DDO: variants seen among roughly 807,000 people sequenced by gnomAD.
DDO encodes D-aspartate oxidase, also known as D-aspartate oxidase, DDO.
In DDO, 16 loss-of-function variants were observed where a neutral mutation model predicts 16.8. The ratio of observed to expected loss-of-function variants is 0.95; its 90% CI spans 0.65 to 1.45. The LOEUF (loss-of-function observed/expected upper bound fraction) is 1.45. DDO is among the 40% of genes most tolerant of loss of function. The pLI, the probability that DDO is intolerant of heterozygous loss-of-function variation, is 0.00. For missense variants in DDO, 429 were observed against 420.3 expected (o/e 1.02, Z -0.18); for synonymous variants, 180 against 167.2 (o/e 1.08, Z -0.59).
chr6:110,398,421 C>CACACAAAA lies in DDO; in HGVS notation c.459-5080_459-5079insTTTTGTGT, dbSNP rs1554220452. ...ACACACACACACACACACACACACA[C>CACACAAAA]ACACACTTGGCCTCCCAGGAGCAGA... On this transcript the variant is annotated intron_variant, in intron 4 of 4. Transcript: ENST00000368924. 1.9e-3 allele frequency among the ~76,000 whole-genome samples: 266 copies of CACACAAAA among 138,630 alleles called. 1 individual carries two copies. Among genetic ancestry groups the CACACAAAA allele is most frequent in the African/African-American group, 7.1e-3 (222 of 31,442 alleles). The allele number at this position is 138,630 out of a possible 152,430, so 90.9% of individuals were successfully genotyped here. A position where few individuals can be genotyped will look rare whatever the true frequency, so the allele number is the denominator to read the frequency against.
chr6:110,399,174 T>A (rs1304207990), intron 4 of DDO, among the ~76,000 whole-genome samples: 1 of 152,260 alleles, frequency 6.6e-6, no homozygotes, highest in Admixed American at 6.5e-5. Context: ...TGTATATTAT[T>A]GGGCATTATT....
chr6:110,393,176 G>C lies in DDO; in HGVS notation c.625C>G (p.Pro209Ala). The change falls in exon 5 of 5, where the codon CCC (proline) becomes GCC (alanine). Residue 209 changes from proline (P) to alanine (A), a missense_variant. Physicochemically the swap from Pro to Ala is conservative, Grantham distance 27. Transcript: ENST00000368924. Reference protein sequence around the residue: ...VRGQVLQVQAPWVEHFIRDGS... With the variant: ...VRGQVLQVQAAWVEHFIRDGS... ...TCTCGGATAAAATGCTCCACCCAGG[G>C]AGCCTGAACTTGGAGGACTTGGCCC... 4 of 1,614,204 alleles carry C rather than the reference G, an allele frequency of 2.5e-6. No homozygotes were observed. Among genetic ancestry groups the C allele is most frequent in the Non-Finnish European group, 3.4e-6 (4 of 1,180,040 alleles).
intron 4 of DDO, among the ~76,000 whole-genome samples, chr6:110,400,102 C>T (rs1056271356): frequency 6.6e-6 from 1 of 152,178 alleles, no homozygotes; most frequent in Non-Finnish European, 1.5e-5. Context: ...ACCGCAGGCC[C>T]GCAGCCCAGG....
In DDO at chr6:110,392,608, C is replaced by G; in HGVS notation, c.*167G>C. ...CCTCCTGCCTCAGCCTCTCAAGTAG[C>G]TGGGACTATAGGCATGCCACCGTGC... On this transcript the variant is annotated 3_prime_UTR_variant, in exon 5 of 5. Coordinates refer to ENST00000368924, the MANE Select transcript of DDO (RefSeq NM_001372108.2). The G allele has an allele frequency of 1.6e-6, 2 of 1,273,180 alleles. No homozygotes were observed. Among genetic ancestry groups the G allele is most frequent in the Non-Finnish European group, 2.0e-6 (2 of 1,012,732 alleles). The allele number at this position is 1,273,180 out of a possible 1,614,324, so 78.9% of individuals were successfully genotyped here. A position where few individuals can be genotyped will look rare whatever the true frequency, so the allele number is the denominator to read the frequency against.
rs140821435 is a variant in DDO, at chr6:110,392,446, G to A, written c.*329C>T. ...CAAAAAATAGAGCTTTATGCCCTAT[G>A]CCATTAATGCTGGACTTCCTAAGTA... is the stretch of plus-strand genomic sequence containing the variant. On this transcript the variant is annotated 3_prime_UTR_variant, in exon 5 of 5. Transcript: ENST00000368924. 3.7e-5 allele frequency: 39 copies of A among 1,046,486 alleles called. No individual in the cohort carries two copies. In the African/African-American group the frequency reaches 5.7e-4, roughly 15 times the overall value. 64.8% of individuals were successfully genotyped at this position (1,046,486 alleles called of 1,614,324 possible). A position where few individuals can be genotyped will look rare whatever the true frequency, so the allele number is the denominator to read the frequency against.
intron 3 of DDO, 30 bp downstream of exon 3, chr6:110,408,304 T>G (rs1773725225): frequency 6.3e-7 from 1 of 1,596,974 alleles, no homozygotes; most frequent in African/African-American, 1.3e-5. Context: ...CATGCTACAC[T>G]CTAAAATAAC....
In DDO at chr6:110,405,102, T is replaced by C. The variant is rs1028962956; in HGVS notation, c.282-152A>G. On this transcript the variant is annotated intron_variant, in intron 3 of 4. Transcript: ENST00000368924. ...CCCAGGTGGGAGTGCAGTGGCACAA[T>C]CATGGCCCACTGCAGCCTCAACTTC... 6.6e-6 allele frequency: 5 copies of C among 762,174 alleles called. No homozygotes were observed. In the African/African-American group the frequency reaches 7.0e-5, roughly 11 times the overall value. The allele number at this position is 762,174 out of a possible 1,614,324, so 47.2% of individuals were successfully genotyped here. A position where few individuals can be genotyped will look rare whatever the true frequency, so the allele number is the denominator to read the frequency against.
chr6:110,396,249 C>T (rs1025809504), intron 4 of DDO, among the ~76,000 whole-genome samples: 1 of 152,234 alleles, frequency 6.6e-6, no homozygotes, highest in African/African-American at 2.4e-5. Context: ...TCAGTCTCTT[C>T]ACACTCCCTC....
chr6:110,401,515 G>A lies in DDO; in HGVS notation c.458+3259C>T, dbSNP rs570213040. On this transcript the variant is annotated intron_variant, in intron 4 of 4. Coordinates refer to ENST00000368924, the MANE Select transcript of DDO (RefSeq NM_001372108.2). ...AACATATCAAAAAGACACAAGAGCA[G>A]TTTGAAGGGGCTCCTACTCAGCTAA... is the stretch of plus-strand genomic sequence containing the variant. Among the ~76,000 whole-genome samples, 68 of 150,202 alleles carry A rather than the reference G, an allele frequency of 4.5e-4. 1 individual carries two copies. Among genetic ancestry groups the A allele is most frequent in the Admixed American group, 2.6e-4 (4 of 15,098 alleles).
chr6:110,411,658 G>A (rs570128360), intron 2 of DDO, among the ~76,000 whole-genome samples: 1 of 152,024 alleles, frequency 6.6e-6, no homozygotes, highest in South Asian at 2.1e-4. Context: ...TAAATAGGAG[G>A]GGGACAAAGC....
chr6:110,414,004 C>A (rs1480634136), intron 1 of DDO, among the ~76,000 whole-genome samples: 2 of 152,196 alleles, frequency 1.3e-5, no homozygotes, highest in African/African-American at 4.8e-5. Flanking sequence ...GAACTCCTGA[C>A]CTTGTGATCC....
At chr6:110,398,610 C>A (rs1326446826) in intron 4 of DDO, among the ~76,000 whole-genome samples, 1 of 152,150 alleles carries the variant, frequency 6.6e-6, no homozygotes, top group African/African-American at 2.4e-5. Flanking sequence ...AAAAGACGAG[C>A]TCCTGGTGAG....
chr6:110,400,297 C>A (rs577456436), intron 4 of DDO, among the ~76,000 whole-genome samples: 1 of 150,174 alleles, frequency 6.7e-6, no homozygotes, highest in African/African-American at 2.5e-5. Context: ...AGCTAAAACA[C>A]TCTCTCTCGG....
chr6:110,408,207 C>A, intron 3 of DDO, 127 bp downstream of exon 3: 1 of 792,244 alleles, frequency 1.3e-6, no homozygotes, highest in East Asian at 2.6e-5. Flanking sequence ...AATGCTCTTT[C>A]CGAATCCTCC....
chr6:110,393,769 T>C (rs1177632912), intron 4 of DDO, among the ~76,000 whole-genome samples: 1 of 152,208 alleles, frequency 6.6e-6, no homozygotes, highest in Non-Finnish European at 1.5e-5. Context: ...TCCTTTGTAT[T>C]AGCCTGGTCT....
intron 3 of DDO, among the ~76,000 whole-genome samples, chr6:110,408,067 A>G (rs2073211): frequency 0.22 from 33,124 of 152,104 alleles, 3,892 homozygotes; most frequent in South Asian, 0.33. Context: ...CAAATTTGCA[A>G]ATCACTGCAT....
chr6:110,411,141 C>T (rs1773843816), intron 2 of DDO, among the ~76,000 whole-genome samples: 1 of 152,134 alleles, frequency 6.6e-6, no homozygotes, highest in Admixed American at 6.5e-5. Flanking sequence ...GAACCCTCTT[C>T]CCTGGGAAAC....
intron 4 of DDO, among the ~76,000 whole-genome samples, chr6:110,397,459 G>A (rs1268870562): frequency 1.3e-5 from 2 of 152,084 alleles, no homozygotes. Context: ...CTGTGCTCTA[G>A]ATATCCTAAT....
intron 2 of DDO, among the ~76,000 whole-genome samples, chr6:110,411,071 C>T (rs1324145632): frequency 6.6e-6 from 1 of 152,148 alleles, no homozygotes; most frequent in Admixed American, 6.6e-5. Context: ...GCCTCTTCCC[C>T]TGTCACCTTC....
Sources: allele counts gnomAD v4.1 joint callset (sites outside exome capture counted in the v4.1 genomes callset), GRCh38; gene constraint gnomAD v4.1.1; transcripts MANE v1.5; gene names NCBI Gene and HGNC (gene_info 2026-07-23, HGNC 2026-07-21).